HOOK3: variants seen among roughly 807,000 people sequenced by gnomAD.
HOOK3 encodes protein Hook homolog 3.
A neutral mutation model predicts 116.3 loss-of-function variants in HOOK3; 24 were observed. The ratio of observed to expected loss-of-function variants is 0.21; its 90% CI spans 0.15 to 0.29. The LOEUF is 0.29. HOOK3 is among the 10% of genes least tolerant of loss of function. The pLI is 1.00. For synonymous variants in HOOK3, 275 were observed against 283.0 expected (o/e 0.97, Z 0.28); for missense variants, 632 against 830.2 (o/e 0.76, Z 2.93).
chr8:42,916,809 C>G (rs1463281604), intron 2 of HOOK3, among the ~76,000 whole-genome samples: 1 of 152,170 alleles, frequency 6.6e-6, no homozygotes, highest in Non-Finnish European at 1.5e-5. Flanking sequence ...AAATACAAAC[C>G]TGCACATAAC....
In HOOK3 at chr8:42,986,744, G is replaced by A; in HGVS notation, c.1481G>A (p.Ser494Asn). Residue 494 changes from serine to asparagine, a missense_variant, in exon 15 of 22, where the codon AGC becomes AAC. Physicochemically the swap from Ser to Asn is conservative, Grantham distance 46. Around this residue, in one of 3 missense-constraint regions of HOOK3, gnomAD observed 483 missense variants for 648.1 expected, o/e 0.75. Transcript: ENST00000307602. The stretch of plus-strand genomic sequence containing the variant: ...AATGAAAAAATAGCCTTATTGCAGA[G>A]CCTTCTAGATGATGCAAATCTACGC... The part of the protein sequence containing the change: ...SDNEKIALLQ[S>N]LLDDANLRKN... The A allele has an allele frequency of 3.7e-6, 6 of 1,613,880 alleles. 1 individual carries two copies. The South Asian group carries it at 5.5e-5, about 15-fold the overall frequency.
In HOOK3 at chr8:43,020,150, A is replaced by T. The variant is rs1417096191; in HGVS notation, c.*1652A>T. 1.0e-5 allele frequency: 2 copies of T among 198,832 alleles called. No homozygotes were observed. Among genetic ancestry groups the T allele is most frequent in the African/African-American group, 4.6e-5 (2 of 43,386 alleles). The allele number at this position is 198,832 out of a possible 1,614,324, so 12.3% of individuals were successfully genotyped here. A position where few individuals can be genotyped will look rare whatever the true frequency, so the allele number is the denominator to read the frequency against. On this transcript the variant is annotated 3_prime_UTR_variant, in exon 22 of 22. Coordinates refer to ENST00000307602, the MANE Select transcript of HOOK3 (RefSeq NM_032410.4). ...CGTAGTTGAAGAAAGATATTAGAGTATACACAGAACTGGAGCCATACATTG... is the reference window on the plus strand; with the variant it reads ...CGTAGTTGAAGAAAGATATTAGAGTTTACACAGAACTGGAGCCATACATTG...
intron 15 of HOOK3, among the ~76,000 whole-genome samples, chr8:42,996,880 G>A (rs550548339): frequency 1.9e-4 from 27 of 145,088 alleles, no homozygotes; most frequent in African/African-American, 5.1e-4. Context: ...CTTTAATTCC[G>A]TGAGGGCAGG....
intron 11 of HOOK3, among the ~76,000 whole-genome samples, chr8:42,971,407 C>T (rs1443945944): frequency 1.3e-5 from 2 of 151,810 alleles, no homozygotes; most frequent in African/African-American, 2.4e-5. Context: ...GCTGGGATTA[C>T]AGGCACCTGC....
rs539633982 is a variant in HOOK3 at position 43,012,148 on chromosome 8, A to G, written c.1840-903A>G. On this transcript the variant is annotated intron_variant, in intron 19 of 21. Coordinates refer to ENST00000307602, the MANE Select transcript of HOOK3 (RefSeq NM_032410.4). Reference sequence around the variant, plus strand: ...ACTGTCAGTAGTGTCCGCTGTACAGACACATGTCATTTAATAACAGGGACA... The same window carrying G: ...ACTGTCAGTAGTGTCCGCTGTACAGGCACATGTCATTTAATAACAGGGACA... Among the ~76,000 whole-genome samples the G allele has an allele frequency of 3.9e-5, 6 of 152,388 alleles. No homozygotes were observed. In the South Asian group the frequency reaches 1.2e-3, roughly 32 times the overall value.
In HOOK3 at chr8:42,959,678, C is replaced by T. The variant is rs193185279; in HGVS notation, c.615+364C>T. On this transcript the variant is annotated intron_variant, in intron 8 of 21. Coordinates refer to ENST00000307602, the MANE Select transcript of HOOK3 (RefSeq NM_032410.4). The stretch of plus-strand genomic sequence containing the variant: ...AGGTTGCAGTGAGCCGAGATTGTGC[C>T]ACTGCACTCCAGCCTGGGTGACAGA... 2.8e-3 allele frequency among the ~76,000 whole-genome samples: 378 copies of T among 134,184 alleles called. 1 individual carries two copies. Among genetic ancestry groups the T allele is most frequent in the African/African-American group, 9.0e-3 (313 of 34,610 alleles). The allele number at this position is 134,184 out of a possible 152,430, so 88.0% of individuals were successfully genotyped here.
intron 16 of HOOK3, chr8:43,000,266 T>C (rs747541635): frequency 2.3e-6 from 3 of 1,286,650 alleles, no homozygotes; most frequent in Non-Finnish European, 3.0e-6. Context: ...TGGTTTCTGC[T>C]CAAGGCTATT....
intron 15 of HOOK3, among the ~76,000 whole-genome samples, chr8:42,989,758 G>A (rs1284837599): frequency 6.6e-6 from 1 of 151,754 alleles, no homozygotes; most frequent in Non-Finnish European, 1.5e-5. Context: ...CCAGCCTCTG[G>A]TAACCATCCC....
intron 17 of HOOK3, among the ~76,000 whole-genome samples, chr8:43,004,572 T>C (rs1021497710): frequency 1.3e-5 from 2 of 150,218 alleles, no homozygotes; most frequent in Non-Finnish European, 3.0e-5. Context: ...TCCCAGCTAC[T>C]TGCAAGGCTG....
At chr8:42,973,439 TAA>T in intron 12 of HOOK3, 40 bp downstream of exon 12, 1 of 1,299,382 alleles carries the variant, frequency 7.7e-7, no homozygotes, top group Non-Finnish European at 1.1e-6. Flanking sequence ...TGAGCACTGC[TAA>T]AATTAAGGCG....
At chr8:42,943,609 T>A (rs1808169909) in intron 5 of HOOK3, among the ~76,000 whole-genome samples, 164 bp downstream of exon 5, 1 of 152,228 alleles carries the variant, frequency 6.6e-6, no homozygotes, top group Non-Finnish European at 1.5e-5. Context: ...TTTTTAAGCT[T>A]AAATGAATTT....
chr8:43,018,540 A>G lies in HOOK3; in HGVS notation c.*42A>G. On this transcript the variant is annotated 3_prime_UTR_variant, in exon 22 of 22. Transcript: ENST00000307602. ...AATCACAGACACCTGCACCCACAAC[A>G]TACTTCTGTTACACACAAGAACATT... 3 of 1,546,150 alleles carry G rather than the reference A, an allele frequency of 1.9e-6. No individual in the cohort carries two copies. The highest frequency in any genetic ancestry group is 2.3e-5 in the East Asian group (1 of 43,548).
intron 4 of HOOK3, among the ~76,000 whole-genome samples, chr8:42,939,575 A>G (rs1214128872): frequency 2.4e-5 from 3 of 123,038 alleles, no homozygotes; most frequent in African/African-American, 9.5e-5. Context: ...CGGGGGGCTG[A>G]CCCCCCCACC....
At chr8:43,017,080 C>A (rs1809732250) in intron 21 of HOOK3, among the ~76,000 whole-genome samples, 1 of 152,176 alleles carries the variant, frequency 6.6e-6, no homozygotes, top group African/African-American at 2.4e-5. Flanking sequence ...AGTGATGTAT[C>A]TTCCAGCCTT....
intron 6 of HOOK3, among the ~76,000 whole-genome samples, chr8:42,952,376 C>T (rs1308308079): frequency 6.6e-6 from 1 of 152,178 alleles, no homozygotes; most frequent in East Asian, 1.9e-4. Context: ...GTCCCCACCC[C>T]ATGGTAGCAA....
Position 42,906,243 on chromosome 8 carries a change from A to G in HOOK3, c.128A>G (p.Gln43Arg). Residue 43 changes from glutamine to arginine, a missense_variant, in exon 2 of 22, where the codon CAG becomes CGG. Around this residue, in one of 3 missense-constraint regions of HOOK3, gnomAD observed 141 missense variants for 150.8 expected, o/e 0.93. Coordinates refer to ENST00000307602, the MANE Select transcript of HOOK3 (RefSeq NM_032410.4). ...EDLTNGVVMAQVLQKIDPAYF... is the reference protein window; with the variant it reads ...EDLTNGVVMARVLQKIDPAYF... ...TTAACGAATGGGGTTGTGATGGCCC[A>G]GGTTCTTCAAAAGATGTAAGAATAA... 6.5e-7 allele frequency: 1 copy of G among 1,546,674 alleles called. No homozygotes were observed. The highest frequency in any genetic ancestry group is 8.8e-7 in the Non-Finnish European group (1 of 1,137,626).
chr8:42,982,602 T>C (rs777958780), intron 13 of HOOK3, 25 bp from the exon 14 acceptor site: 3 of 1,519,782 alleles, frequency 2.0e-6, no homozygotes, highest in Non-Finnish European at 2.7e-6. Context: ...CCATTAGCCT[T>C]ATATTTATGT....
chr8:42,924,268 C>A (rs939684555), intron 2 of HOOK3, among the ~76,000 whole-genome samples: 5 of 152,004 alleles, frequency 3.3e-5, no homozygotes, highest in Admixed American at 3.3e-4. Flanking sequence ...AATTTCAAAA[C>A]CTGTAAAATG....
rs928856699 is a variant in HOOK3, at chr8:42,983,353, T to C, written c.1391+657T>C. Among the ~76,000 whole-genome samples the C allele has an allele frequency of 1.5e-4, 22 of 147,578 alleles. No individual in the cohort carries two copies. In the South Asian group the frequency reaches 1.7e-3, roughly 12 times the overall value. Reference sequence around the variant, plus strand: ...TGTCTCAAAAAAAAAAAAAAAAAGGTTTATCTGCTAACCACACGGAAAGGT... The same window carrying C: ...TGTCTCAAAAAAAAAAAAAAAAAGGCTTATCTGCTAACCACACGGAAAGGT... On this transcript the variant is annotated intron_variant, in intron 14 of 21. Transcript: ENST00000307602.
Sources: gnomAD v4.1 joint callset for allele counts (sites outside exome capture counted in the v4.1 genomes callset) on GRCh38, gnomAD v4.1.1 for gene constraint, gnomAD v4.1.1 regional missense constraint, MANE v1.5 for transcripts, NCBI Gene and HGNC (gene_info 2026-07-23, HGNC 2026-07-21) for gene names.